Variants in TRIT1 observed in about 807,000 individuals in gnomAD.
TRIT1 encodes tRNA isopentenyltransferase 1, also known as tRNA dimethylallyltransferase.
Under a neutral mutation model 51.2 loss-of-function variants are expected in TRIT1, and 43 were observed. The observed-to-expected ratio is 0.84, with a 90% CI of 0.66 to 1.08. The LOEUF is 1.08. TRIT1 is among the 50% of genes least tolerant of loss of function. The pLI, the probability that TRIT1 is intolerant of heterozygous loss-of-function variation, is 0.00. For synonymous variants in TRIT1, 184 were observed against 203.9 expected, an observed-to-expected ratio of 0.90 and a Z score of 0.83; for missense variants, 528 against 578.4, an observed-to-expected ratio of 0.91 and a Z score of 0.89.
chr1:39,881,414 CAAAT>C (rs1644262879), intron 1 of TRIT1, among the ~76,000 whole-genome samples: 1 of 152,176 alleles, frequency 6.6e-6, no homozygotes, highest in African/African-American at 2.4e-5. Flanking sequence ...GTACTGCTCA[CAAAT>C]GAATGTTCCT....
At chr1:39,859,279 A>C (rs1458076137) in intron 1 of TRIT1, among the ~76,000 whole-genome samples, 3 of 143,440 alleles carry the variant, frequency 2.1e-5, no homozygotes, top group East Asian at 3.0e-4. Context: ...AAAAAAAAAA[A>C]AAAAAAAAAA....
At chr1:39,870,077 A>G (rs1438094679) in intron 1 of TRIT1, among the ~76,000 whole-genome samples, 1 of 152,224 alleles carries the variant, frequency 6.6e-6, no homozygotes, top group Non-Finnish European at 1.5e-5. Context: ...AAGGGGGGAA[A>G]GTGTGGGGAA....
intron 3 of TRIT1, among the ~76,000 whole-genome samples, chr1:39,853,391 T>A (rs911044733): frequency 6.8e-6 from 1 of 146,602 alleles, no homozygotes; most frequent in Admixed American, 6.7e-5. Context: ...ATTTTTTTCT[T>A]GAATCGCATC....
intron 8 of TRIT1, among the ~76,000 whole-genome samples, chr1:39,845,941 C>T (rs1642199033): frequency 6.6e-6 from 1 of 152,190 alleles, no homozygotes; most frequent in African/African-American, 2.4e-5. Context: ...ATCAACTCCT[C>T]CTACCACAGA....
chr1:39,847,269 C>T lies in TRIT1; in HGVS notation c.957G>A (p.Lys319=). 1 of 1,614,146 alleles carries T rather than the reference C, an allele frequency of 6.2e-7. No homozygotes were observed. Among genetic ancestry groups the T allele is most frequent in the Non-Finnish European group, 8.5e-7 (1 of 1,180,004 alleles). ...KGIEALKQVT[K]RYARKQNRWV... The stretch of plus-strand genomic sequence containing the variant: ...ATCGGTTTTGTTTCCGGGCATATCT[C>T]TTAGTTACTTGTTTCAGAGCCTCAA... Residue 319 remains lysine (K), a synonymous_variant, in exon 8 of 11, where the codon AAG becomes AAA. Coordinates refer to ENST00000316891, the MANE Select transcript of TRIT1 (RefSeq NM_017646.6).
intron 1 of TRIT1, among the ~76,000 whole-genome samples, chr1:39,866,695 G>A (rs1643575686): frequency 6.6e-6 from 1 of 152,178 alleles, no homozygotes; most frequent in Non-Finnish European, 1.5e-5. Flanking sequence ...GAGAAGGCCA[G>A]GCACAGTGGC....
At chr1:39,877,615 T>C (rs898011715) in intron 1 of TRIT1, among the ~76,000 whole-genome samples, 3 of 152,220 alleles carry the variant, frequency 2.0e-5, no homozygotes, top group Admixed American at 6.5e-5. Context: ...CAGGCCATCA[T>C]TGTACATGTT....
At chr1:39,864,470 G>A (rs566855565) in intron 1 of TRIT1, among the ~76,000 whole-genome samples, 14 of 151,750 alleles carry the variant, frequency 9.2e-5, no homozygotes, top group African/African-American at 3.1e-4. Context: ...TTAGCCGGGC[G>A]TGGTGGCAGG....
At chr1:39,881,426 C>A (rs1003477324) in intron 1 of TRIT1, 1 of 152,140 alleles carries the variant, frequency 6.6e-6, no homozygotes, top group African/African-American at 2.4e-5. Flanking sequence ...AATGAATGTT[C>A]CTTACACACT....
intron 1 of TRIT1, among the ~76,000 whole-genome samples, chr1:39,877,260 G>A (rs1644099943): frequency 6.6e-6 from 1 of 150,642 alleles, no homozygotes; most frequent in Non-Finnish European, 1.5e-5. Flanking sequence ...ACTTTGGGAG[G>A]CCAATGCAGG....
At chr1:39,851,601 A>G (rs1261222990) in intron 4 of TRIT1, among the ~76,000 whole-genome samples, 1 of 152,016 alleles carries the variant, frequency 6.6e-6, no homozygotes, top group East Asian at 1.9e-4. Flanking sequence ...AGATATTACA[A>G]TTTGTGCCCC....
At chr1:39,847,497 A>G in intron 7 of TRIT1, 51 bp downstream of exon 7, 2 of 1,584,686 alleles carry the variant, frequency 1.3e-6, no homozygotes, top group Non-Finnish European at 1.7e-6. Context: ...CCAGCAGAGT[A>G]CCCTGCCACC....
rs1042933194 is a variant in TRIT1 at position 39,869,965 on chromosome 1, G to A, written c.175-12548C>T. On this transcript the variant is annotated intron_variant, in intron 1 of 10. Coordinates refer to ENST00000316891, the MANE Select transcript of TRIT1 (RefSeq NM_017646.6). ...GCCTCTGCCTGGCTGCCCCGTCTGG[G>A]AGGTGGGGGGCCCCTCTCTCCGGCC... 2.0e-5 allele frequency among the ~76,000 whole-genome samples: 3 copies of A among 152,160 alleles called. 1 individual carries two copies. Among genetic ancestry groups the A allele is most frequent in the African/African-American group, 4.8e-5 (2 of 41,452 alleles).
intron 7 of TRIT1, 49 bp from the exon 8 acceptor site, chr1:39,847,346 C>T: frequency 1.3e-6 from 2 of 1,555,660 alleles, no homozygotes; most frequent in South Asian, 1.1e-5. Flanking sequence ...ACTCCTTACC[C>T]TGCAGAGAGG....
chr1:39,840,895 C>T lies in TRIT1; in HGVS notation c.*849G>A, dbSNP rs1384565027. ...GACCCTCTCTAGATGTCTTCAAGGA[C>T]TATAACGTGTTAAATAAACACCCGC... On this transcript the variant is annotated 3_prime_UTR_variant, in exon 11 of 11. Transcript: ENST00000316891. The T allele has an allele frequency of 2.0e-5, 3 of 152,126 alleles. No homozygotes were observed. The highest frequency in any genetic ancestry group is 4.4e-5 in the Non-Finnish European group (3 of 68,026). The allele number at this position is 152,126 out of a possible 1,614,324, so 9.4% of individuals were successfully genotyped here.
At chr1:39,844,332 T>C in intron 9 of TRIT1, 114 bp from the exon 10 acceptor site, 2 of 947,088 alleles carry the variant, frequency 2.1e-6, no homozygotes, top group East Asian at 2.4e-5. Flanking sequence ...AGAGAGCAGA[T>C]GGGCTGTATA....
intron 1 of TRIT1, among the ~76,000 whole-genome samples, chr1:39,876,528 G>GTATATATCTATCTATCTATCTATC (rs143110843): frequency 0.012 from 1,579 of 127,508 alleles, 9 homozygotes; most frequent in East Asian, 0.04. Flanking sequence ...ATTTATATGT[G>GTATATATCTATCTATCTATCTATC]TATCTATCTA....
At chr1:39,875,488 G>GA (rs200256933) in intron 1 of TRIT1, among the ~76,000 whole-genome samples, 80 of 145,358 alleles carry the variant, frequency 5.5e-4, no homozygotes, top group African/African-American at 9.3e-4. Flanking sequence ...ACTCTGTCTT[G>GA]AAAAAAAAAA....
chr1:39,881,358 TCTA>T (rs1644260824), intron 1 of TRIT1, among the ~76,000 whole-genome samples: 1 of 152,120 alleles, frequency 6.6e-6, no homozygotes, highest in South Asian at 2.1e-4. Flanking sequence ...AGACCACAGA[TCTA>T]CTATTATACC....
Sources: allele counts gnomAD v4.1 joint callset (sites outside exome capture counted in the v4.1 genomes callset), GRCh38; gene constraint gnomAD v4.1.1; transcripts MANE v1.5; gene names NCBI Gene and HGNC (gene_info 2026-07-23, HGNC 2026-07-21).